The following EPHA6 variants were observed in gnomAD, a reference collection of about 807,000 sequenced individuals.
The protein encoded by EPHA6 is ephrin type-A receptor 6.
EPHA6 carries 50 observed loss-of-function variants against 112.0 expected under a neutral mutation model. The observed-to-expected ratio is 0.45, with a 90% CI of 0.36 to 0.56. The LOEUF is 0.56. Ranked by LOEUF, EPHA6 falls within the 20% of genes least tolerant of loss-of-function variation. The pLI, the probability that EPHA6 is intolerant of heterozygous loss-of-function variation, is 0.00. For missense variants in EPHA6, 1,280 were observed against 1,417.4 expected (o/e 0.90, Z 1.56); for synonymous variants, 529 against 490.7 (o/e 1.08, Z -1.03).
Position 97,306,587 on chromosome 3 carries a change from T to G in EPHA6, c.1606+62300T>G, listed in dbSNP as rs557472368. 5.9e-5 allele frequency among the ~76,000 whole-genome samples: 9 copies of G among 151,746 alleles called. No homozygotes were observed. In the South Asian group the frequency reaches 8.3e-4, roughly 14 times the overall value. ...TCCCAGTGAACCACAGAAACAAGAG[T>G]CCTTGTCTAGGTATCTGCTTCTCAG... On this transcript the variant is annotated intron_variant, in intron 5 of 17. Transcript: ENST00000389672.
intron 5 of EPHA6, among the ~76,000 whole-genome samples, chr3:97,380,204 G>C (rs1349792683): frequency 6.6e-6 from 1 of 151,858 alleles, no homozygotes; most frequent in Non-Finnish European, 1.5e-5. Flanking sequence ...GACATGTTTT[G>C]TTTGTTTCAG....
At chr3:97,052,635 T>A (rs6789344) in intron 3 of EPHA6, among the ~76,000 whole-genome samples, 1 of 152,118 alleles carries the variant, frequency 6.6e-6, no homozygotes, top group East Asian at 1.9e-4. Flanking sequence ...ACTGGTTTAT[T>A]AAGAAGTAAA....
intron 6 of EPHA6, among the ~76,000 whole-genome samples, chr3:97,436,524 A>AT (rs1456619884): frequency 6.6e-6 from 1 of 152,170 alleles, no homozygotes; most frequent in Non-Finnish European, 1.5e-5. Flanking sequence ...ATGCTTATAT[A>AT]TTTAAATGAA....
At chr3:97,467,954 C>T (rs2091109288) in intron 7 of EPHA6, among the ~76,000 whole-genome samples, 2 of 151,662 alleles carry the variant, frequency 1.3e-5, no homozygotes, top group South Asian at 4.1e-4. Context: ...GTACCAAAAT[C>T]ACATTTTCCA....
chr3:96,975,528 T>A (rs2042487169), intron 2 of EPHA6, among the ~76,000 whole-genome samples: 1 of 152,202 alleles, frequency 6.6e-6, no homozygotes, highest in Non-Finnish European at 1.5e-5. Context: ...ATTGGACCAA[T>A]GAAGACCAAA....
intron 3 of EPHA6, among the ~76,000 whole-genome samples, chr3:97,135,015 C>T (rs1233133577): frequency 6.6e-6 from 1 of 152,082 alleles, no homozygotes; most frequent in Non-Finnish European, 1.5e-5. Context: ...TCAGAGAAAG[C>T]CTCTCCCTGC....
chr3:97,256,997 A>G (rs958117113), intron 5 of EPHA6, among the ~76,000 whole-genome samples: 8 of 152,148 alleles, frequency 5.3e-5, no homozygotes, highest in Non-Finnish European at 1.2e-4. Context: ...GAAACCGAAG[A>G]GATAGTCTTG....
At chr3:97,548,246 G>T (rs1488798023) in intron 11 of EPHA6, among the ~76,000 whole-genome samples, 1 of 152,148 alleles carries the variant, frequency 6.6e-6, no homozygotes, top group African/African-American at 2.4e-5. Context: ...TTAGATTATG[G>T]TTATGCATTT....
At chr3:97,085,958 G>A (rs1212306397) in intron 3 of EPHA6, among the ~76,000 whole-genome samples, 1 of 103,116 alleles carries the variant, frequency 9.7e-6, no homozygotes, top group African/African-American at 9.5e-5. Flanking sequence ...TACACACTGA[G>A]ATGGAGTCTC....
chr3:97,748,332 A>G (rs2035799691), intron 17 of EPHA6, among the ~76,000 whole-genome samples: 1 of 152,110 alleles, frequency 6.6e-6, no homozygotes, highest in Non-Finnish European at 1.5e-5. Flanking sequence ...ATCTGAGATT[A>G]ACTTTATGTA....
At chr3:97,411,400 T>A (rs1172275962) in intron 6 of EPHA6, among the ~76,000 whole-genome samples, 1 of 152,060 alleles carries the variant, frequency 6.6e-6, no homozygotes, top group African/African-American at 2.4e-5. Context: ...ACAGCAACAT[T>A]GCAGAGTCTG....
intron 3 of EPHA6, among the ~76,000 whole-genome samples, chr3:97,143,361 G>A (rs564412650): frequency 1.3e-5 from 2 of 151,738 alleles, no homozygotes; most frequent in Admixed American, 6.6e-5. Flanking sequence ...TATGCATTAT[G>A]TTCTCACAAT....
At chr3:97,711,710 T>G (rs550266881) in intron 14 of EPHA6, among the ~76,000 whole-genome samples, 1 of 152,120 alleles carries the variant, frequency 6.6e-6, no homozygotes, top group Non-Finnish European at 1.5e-5. Flanking sequence ...CCTCAGTAGA[T>G]TGGATGATAC....
intron 2 of EPHA6, among the ~76,000 whole-genome samples, chr3:96,984,281 C>T (rs1280588378): frequency 6.6e-6 from 1 of 152,180 alleles, no homozygotes; most frequent in Non-Finnish European, 1.5e-5. Context: ...AGTCAGGACC[C>T]TCAGCTGCAG....
chr3:97,310,541 AAT>A (rs1430192158), intron 5 of EPHA6, among the ~76,000 whole-genome samples: 4 of 141,276 alleles, frequency 2.8e-5, no homozygotes, highest in Non-Finnish European at 4.4e-5. Context: ...GATGCTCAAA[AAT>A]ATGATTATAG....
Position 97,166,568 on chromosome 3 carries a change from A to G in EPHA6, c.1115-59696A>G, listed in dbSNP as rs530592897. Among the ~76,000 whole-genome samples, 3 of 152,236 alleles carry G rather than the reference A, an allele frequency of 2.0e-5. No individual in the cohort carries two copies. The East Asian group carries it at 5.8e-4, about 29-fold the overall frequency. On this transcript the variant is annotated intron_variant, in intron 3 of 17. Coordinates refer to ENST00000389672, the MANE Select transcript of EPHA6 (RefSeq NM_001080448.3). The stretch of plus-strand genomic sequence containing the variant: ...TTTATTCATATTTGGCAGATATTTT[A>G]GCGTTTTTGAAGAATCTTTGGAAGA...
intron 6 of EPHA6, among the ~76,000 whole-genome samples, chr3:97,431,716 T>G (rs2089519713): frequency 6.6e-6 from 1 of 152,256 alleles, no homozygotes; most frequent in East Asian, 1.9e-4. Flanking sequence ...GCATTTTTCT[T>G]TCTCATGTTT....
intron 3 of EPHA6, among the ~76,000 whole-genome samples, chr3:97,191,773 G>A (rs576886616): frequency 4.6e-5 from 7 of 152,204 alleles, no homozygotes; most frequent in South Asian, 2.1e-4. Context: ...GAGTTTGCAC[G>A]TAGTGCTGAG....
chr3:97,327,831 G>C (rs2082515019), intron 5 of EPHA6, among the ~76,000 whole-genome samples: 1 of 132,374 alleles, frequency 7.6e-6, no homozygotes, highest in Admixed American at 7.7e-5. Context: ...TCCTTGGTGT[G>C]TGTGTGTATA....
Sources: gnomAD v4.1 joint callset for allele counts (sites outside exome capture counted in the v4.1 genomes callset) on GRCh38, gnomAD v4.1.1 for gene constraint, MANE v1.5 for transcripts, NCBI Gene and HGNC (gene_info 2026-07-23, HGNC 2026-07-21) for gene names.